Variants in GSPT1 observed in about 807,000 individuals in gnomAD.
The protein encoded by GSPT1 is eukaryotic peptide chain release factor GTP-binding subunit ERF3A.
A neutral mutation model predicts 72.5 loss-of-function variants in GSPT1; 20 were observed. That is an observed-to-expected ratio of 0.28 (90% CI 0.19 to 0.40). GSPT1 has a LOEUF of 0.40. GSPT1 is among the 10% of genes least tolerant of loss of function. The pLI is 1.00. For missense variants in GSPT1, 580 were observed against 811.9 expected (o/e 0.71, Z 3.47); for synonymous variants, 334 against 293.5 (o/e 1.14, Z -1.41).
chr16:11,894,366 A>T (rs2054308451), intron 5 of GSPT1, among the ~76,000 whole-genome samples: 1 of 151,932 alleles, frequency 6.6e-6, no homozygotes, highest in Non-Finnish European at 1.5e-5. Context: ...ATACCTAGGA[A>T]ATTTCTATAA....
intron 11 of GSPT1, chr16:11,881,583 C>T (rs978795555): frequency 2.0e-5 from 3 of 151,272 alleles, no homozygotes; most frequent in Non-Finnish European, 4.4e-5. Context: ...ATCCTACACC[C>T]GTTAAGCAGT....
chr16:11,915,845 A>T lies in GSPT1; in HGVS notation c.-125T>A. The stretch of plus-strand genomic sequence containing the variant: ...GGGGCAGAAGGGCCGGGAGCTAGCG[A>T]CAAAGATCCCCGGCGTCGCCGCGGC... On this transcript the variant is annotated 5_prime_UTR_variant, in exon 1 of 15. Transcript: ENST00000434724. 1 of 1,447,172 alleles carries T rather than the reference A, an allele frequency of 6.9e-7. No homozygotes were observed. The highest frequency in any genetic ancestry group is 9.5e-7 in the Non-Finnish European group (1 of 1,048,216). 89.6% of individuals were successfully genotyped at this position (1,447,172 alleles called of 1,614,324 possible). A position where few individuals can be genotyped will look rare whatever the true frequency, so the allele number is the denominator to read the frequency against.
intron 11 of GSPT1, among the ~76,000 whole-genome samples, chr16:11,880,450 C>T (rs566417521): frequency 1.3e-5 from 2 of 152,260 alleles, no homozygotes; most frequent in South Asian, 2.1e-4. Flanking sequence ...ACAAGGGTTC[C>T]AAATTCTCCA....
Position 11,915,755 on chromosome 16 carries a change from C to T in GSPT1, c.-35G>A. On this transcript the variant is annotated 5_prime_UTR_variant, in exon 1 of 15. Transcript: ENST00000434724. ...GGCCGTGTGTGTGGTGGACAGAGAG[C>T]GGGAAATGGAGGCAGGGGCGCCCGG... 1 of 1,551,440 alleles carries T rather than the reference C, an allele frequency of 6.4e-7. No homozygotes were observed. Among genetic ancestry groups the T allele is most frequent in the East Asian group, 2.4e-5 (1 of 41,908 alleles).
intron 1 of GSPT1, among the ~76,000 whole-genome samples, chr16:11,907,608 C>T (rs2054505244): frequency 7.3e-6 from 1 of 136,444 alleles, no homozygotes; most frequent in South Asian, 2.1e-4. Flanking sequence ...CATGCCCTTC[C>T]CGCCCCCTGT....
chr16:11,878,211 G>T (rs1326771056), intron 11 of GSPT1, among the ~76,000 whole-genome samples: 1 of 152,146 alleles, frequency 6.6e-6, no homozygotes, highest in Non-Finnish European at 1.5e-5. Flanking sequence ...TGCCTCCTGG[G>T]TTCAAGCCAT....
intron 14 of GSPT1, 87 bp from the exon 15 acceptor site, chr16:11,873,258 A>G: frequency 1.5e-6 from 1 of 666,714 alleles, no homozygotes; most frequent in Admixed American, 2.3e-5. Flanking sequence ...AATCACAAAA[A>G]TATTTTTTAC....
chr16:11,899,558 A>G (rs2054379874), intron 1 of GSPT1, among the ~76,000 whole-genome samples: 1 of 152,132 alleles, frequency 6.6e-6, no homozygotes, highest in Non-Finnish European at 1.5e-5. Flanking sequence ...AGATGACCCC[A>G]AGCTGTGGGA....
At chr16:11,888,145 G>T (rs554035966) in intron 6 of GSPT1, among the ~76,000 whole-genome samples, 1 of 150,520 alleles carries the variant, frequency 6.6e-6, no homozygotes, top group African/African-American at 2.4e-5. Context: ...ACAGAGCAAG[G>T]CTCCGTCTCA....
At position 11,915,807 on chromosome 16, in the gene GSPT1, G is replaced by C. The variant is rs766079753; in HGVS notation, c.-87C>G. 6.4e-7 allele frequency: 1 copy of C among 1,569,736 alleles called. No homozygotes were observed. Among genetic ancestry groups the C allele is most frequent in the South Asian group, 1.1e-5 (1 of 90,628 alleles). On this transcript the variant is annotated 5_prime_UTR_variant, in exon 1 of 15. Coordinates refer to ENST00000434724, the MANE Select transcript of GSPT1 (RefSeq NM_002094.4). ...CGGAGAGGAGTGGGCAACGCTGACT[G>C]AGGGAAGGCGGCGGGGCAGAAGGGC...
intron 11 of GSPT1, among the ~76,000 whole-genome samples, chr16:11,879,091 T>A (rs12924398): frequency 0.49 from 48,790 of 99,128 alleles, 8,373 homozygotes; most frequent in East Asian, 0.67. Context: ...AAATAAAAAA[T>A]AATAATAATA....
chr16:11,906,917 C>T (rs1178865420), intron 1 of GSPT1, among the ~76,000 whole-genome samples: 1 of 151,994 alleles, frequency 6.6e-6, no homozygotes, highest in Non-Finnish European at 1.5e-5. Context: ...TGAGGTTTTT[C>T]TTTTTTTCTC....
intron 1 of GSPT1, among the ~76,000 whole-genome samples, chr16:11,903,691 CA>C (rs1185860992): frequency 2.0e-5 from 3 of 150,914 alleles, no homozygotes; most frequent in African/African-American, 7.3e-5. Context: ...ACCCTGTCTC[CA>C]AAAAAAAGGA....
chr16:11,915,003 G>C (rs1395252146), intron 1 of GSPT1: 8 of 1,289,166 alleles, frequency 6.2e-6, no homozygotes, highest in Non-Finnish European at 7.1e-6. Context: ...ATGACTCCTG[G>C]CTCCATCTGT....
chr16:11,880,493 A>G (rs185404673), intron 11 of GSPT1, among the ~76,000 whole-genome samples: 1 of 151,988 alleles, frequency 6.6e-6, no homozygotes, highest in Non-Finnish European at 1.5e-5. Context: ...TCTGCTTTCC[A>G]AAAAAAAGTT....
intron 1 of GSPT1, among the ~76,000 whole-genome samples, chr16:11,912,781 C>T (rs918044452): frequency 1.3e-5 from 2 of 152,186 alleles, no homozygotes; most frequent in Non-Finnish European, 2.9e-5. Context: ...TTGGGGACCT[C>T]ACTTTTTAAG....
At chr16:11,885,826 G>A (rs1429860971) in intron 9 of GSPT1, among the ~76,000 whole-genome samples, 1 of 152,088 alleles carries the variant, frequency 6.6e-6, no homozygotes, top group Non-Finnish European at 1.5e-5. Flanking sequence ...GGGAGGCAGA[G>A]GTTGCAGTGA....
intron 6 of GSPT1, among the ~76,000 whole-genome samples, chr16:11,888,344 C>T (rs2054210243): frequency 6.6e-6 from 1 of 151,692 alleles, no homozygotes; most frequent in African/African-American, 2.4e-5. Flanking sequence ...CACCTGTAGT[C>T]ACAGCTATTT....
Position 11,871,672 on chromosome 16 carries a change from T to G in GSPT1, c.*1447A>C, listed in dbSNP as rs12599607. The G allele has an allele frequency of 8.5e-5, 13 of 152,312 alleles. No homozygotes were observed. The East Asian group carries it at 2.3e-3, about 27-fold the overall frequency. 9.4% of individuals were successfully genotyped at this position (152,312 alleles called of 1,614,324 possible). A position where few individuals can be genotyped will look rare whatever the true frequency, so the allele number is the denominator to read the frequency against. On this transcript the variant is annotated 3_prime_UTR_variant, in exon 15 of 15. Coordinates refer to ENST00000434724, the MANE Select transcript of GSPT1 (RefSeq NM_002094.4). ...AGGAGCAAAATTATAGGGAAGAGAC[T>G]TGTCATTAAATATACAAAGTATCTT...
Sources: gnomAD v4.1 joint callset for allele counts (sites outside exome capture counted in the v4.1 genomes callset) on GRCh38, gnomAD v4.1.1 for gene constraint, MANE v1.5 for transcripts, NCBI Gene and HGNC (gene_info 2026-07-23, HGNC 2026-07-21) for gene names.